RNF32: variants seen among roughly 807,000 people sequenced by gnomAD.
RNF32 encodes ring finger protein 32.
RNF32 carries 36 observed loss-of-function variants against 41.0 expected under a neutral mutation model. The ratio of observed to expected loss-of-function variants is 0.88; its 90% CI spans 0.67 to 1.16. RNF32 has a LOEUF of 1.16. Among genes scored for constraint, RNF32 ranks in the 50% most tolerant of loss-of-function variants. The pLI is 0.00. For synonymous variants in RNF32, 154 were observed against 160.9 expected (o/e 0.96, Z 0.32); for missense variants, 413 against 436.7 (o/e 0.95, Z 0.48).
intron 8 of RNF32, chr7:156,676,171 G>C: frequency 8.4e-7 from 1 of 1,197,178 alleles, no homozygotes; most frequent in South Asian, 1.6e-5. Flanking sequence ...GGAAGTTCCT[G>C]TTGGATGTTG....
intron 7 of RNF32, among the ~76,000 whole-genome samples, chr7:156,661,210 C>A (rs1800611511): frequency 2.6e-5 from 4 of 151,758 alleles, no homozygotes; most frequent in African/African-American, 9.7e-5. Context: ...AAGGAGTGGG[C>A]ATAAGGGGCA....
At chr7:156,673,587 G>A (rs936097628) in intron 7 of RNF32, among the ~76,000 whole-genome samples, 11 of 152,056 alleles carry the variant, frequency 7.2e-5, no homozygotes, top group African/African-American at 2.4e-4. Context: ...TTCCAAGTAC[G>A]GCTAATCCCA....
intron 5 of RNF32, 145 bp from the exon 6 acceptor site, chr7:156,657,983 G>T: frequency 1.3e-6 from 1 of 778,246 alleles, no homozygotes. Context: ...ACCTGATGAA[G>T]CCTCCTCACT....
At position 156,669,735 on chromosome 7, in the gene RNF32, G is replaced by A. The variant is rs889319015; in HGVS notation, c.685-5961G>A. Among the ~76,000 whole-genome samples, 2 of 152,234 alleles carry A rather than the reference G, an allele frequency of 1.3e-5. No individual in the cohort carries two copies. The highest frequency in any genetic ancestry group is 2.9e-5 in the Non-Finnish European group (2 of 68,040). ...AGAGGGCAGGGCTGGGACTCCCAGG[G>A]AGAAGGGGCCATGGCTGGGCCCCTC... On this transcript the variant is annotated intron_variant, in intron 7 of 8. Coordinates refer to ENST00000317955, the MANE Select transcript of RNF32 (RefSeq NM_030936.4). This position sits in a 1 kb window ranked among gnomAD's most constrained non-coding sequence, Gnocchi z 4.2.
At chr7:156,642,351 A>G (rs1797461453) in intron 1 of RNF32, among the ~76,000 whole-genome samples, 1 of 152,202 alleles carries the variant, frequency 6.6e-6, no homozygotes, top group Non-Finnish European at 1.5e-5. Flanking sequence ...TGAGCTCTAC[A>G]TTTAAGAAAT....
intron 7 of RNF32, among the ~76,000 whole-genome samples, chr7:156,661,207 G>A (rs569866736): frequency 9.1e-6 from 1 of 109,898 alleles, no homozygotes; most frequent in East Asian, 2.7e-4. Flanking sequence ...AGCAAGGAGT[G>A]GGCATAAGGG....
intron 7 of RNF32, among the ~76,000 whole-genome samples, chr7:156,663,310 A>C (rs1175842976): frequency 6.6e-6 from 1 of 152,206 alleles, no homozygotes; most frequent in Non-Finnish European, 1.5e-5. Context: ...TAACACATGA[A>C]AACAAAATAT....
intron 7 of RNF32, among the ~76,000 whole-genome samples, chr7:156,667,802 CT>C (rs1274500336): frequency 6.6e-6 from 1 of 152,144 alleles, no homozygotes; most frequent in Non-Finnish European, 1.5e-5. Flanking sequence ...ATACTCAAAG[CT>C]GTAAGAATAT....
rs551125458 is a variant in RNF32 at position 156,652,474 on chromosome 7, C to T, written c.275-2102C>T. On this transcript the variant is annotated intron_variant, in intron 3 of 8. Transcript: ENST00000317955. Reference sequence around the variant, plus strand: ...GTCACAACAACACCTAGACCGGTCCCTTGATTTTCTTATTTTCTGTCTCCT... The same window carrying T: ...GTCACAACAACACCTAGACCGGTCCTTTGATTTTCTTATTTTCTGTCTCCT... 2.0e-5 allele frequency among the ~76,000 whole-genome samples: 3 copies of T among 152,220 alleles called. No homozygotes were observed. The South Asian group carries it at 6.2e-4, about 32-fold the overall frequency.
intron 3 of RNF32, among the ~76,000 whole-genome samples, chr7:156,648,643 A>G (rs1798298756): frequency 6.6e-6 from 1 of 152,242 alleles, no homozygotes; most frequent in African/African-American, 2.4e-5. Context: ...TACTAATGAC[A>G]TTGAACCATA....
chr7:156,668,439 AGT>A (rs1376656153), intron 7 of RNF32, among the ~76,000 whole-genome samples: 3 of 152,164 alleles, frequency 2.0e-5, no homozygotes, highest in African/African-American at 7.2e-5. Flanking sequence ...GACCTGGGAG[AGT>A]GTTCCCAGAG....
At chr7:156,675,979 GC>G in intron 8 of RNF32, 116 bp downstream of exon 8, 1 of 1,093,918 alleles carries the variant, frequency 9.1e-7, no homozygotes, top group Non-Finnish European at 1.3e-6. Flanking sequence ...GGAGTGTCAG[GC>G]CCGGGGTGCA....
chr7:156,653,391 AAC>A (rs1308021658), intron 3 of RNF32, among the ~76,000 whole-genome samples: 2 of 152,216 alleles, frequency 1.3e-5, no homozygotes, highest in Non-Finnish European at 2.9e-5. Context: ...GAAATCGCCT[AAC>A]AGCACATTTC....
Position 156,676,997 on chromosome 7 carries a change from A to G in RNF32, c.*342A>G, listed in dbSNP as rs1804183409. On this transcript the variant is annotated 3_prime_UTR_variant, in exon 9 of 9. Coordinates refer to ENST00000317955, the MANE Select transcript of RNF32 (RefSeq NM_030936.4). ...AGTTCCAAATGTAAAACACTCCTTA[A>G]GTTCCAAATGTTTTCCGCTAATAGT... 1 of 220,412 alleles carries G rather than the reference A, an allele frequency of 4.5e-6. No individual in the cohort carries two copies. Among genetic ancestry groups the G allele is most frequent in the Non-Finnish European group, 9.2e-6 (1 of 109,200 alleles). The allele number at this position is 220,412 out of a possible 1,614,324, so 13.7% of individuals were successfully genotyped here. A position where few individuals can be genotyped will look rare whatever the true frequency, so the allele number is the denominator to read the frequency against.
intron 2 of RNF32, 46 bp from the exon 3 acceptor site, chr7:156,644,453 T>C (rs1047769256): frequency 2.8e-6 from 4 of 1,419,822 alleles, no homozygotes; most frequent in Admixed American, 1.9e-5. Flanking sequence ...CTAAATGATA[T>C]ATTACATAAT....
intron 7 of RNF32, among the ~76,000 whole-genome samples, chr7:156,663,836 A>G (rs766568294): frequency 5.6e-4 from 85 of 152,232 alleles, no homozygotes; most frequent in Non-Finnish European, 9.4e-4. Context: ...AGAAAAATCA[A>G]TTGGGAAATT....
chr7:156,664,422 T>C (rs1047436455), intron 7 of RNF32, among the ~76,000 whole-genome samples: 3 of 152,052 alleles, frequency 2.0e-5, no homozygotes, highest in East Asian at 3.9e-4. Context: ...GATCGTGCCA[T>C]TGCACTCCAG....
chr7:156,658,149 A>G lies in RNF32; in HGVS notation c.472A>G (p.Lys158Glu), dbSNP rs1800020377. The stretch of plus-strand genomic sequence containing the variant: ...TCAGGCATGTCTTCAGGCTTTTGAA[A>G]AGTTCACAAATAAGAAAACCTGTCC... ...FHKACLQAFE[K>E]FTNKKTCPLC... Residue 158 changes from lysine (K) to glutamate (E), a missense_variant, in exon 6 of 9, where the codon AAG (lysine) becomes GAG (glutamate). Physicochemically the swap from Lys to Glu is moderately conservative, Grantham distance 56. Transcript: ENST00000317955. The G allele has an allele frequency of 6.2e-7, 1 of 1,613,890 alleles. No homozygotes were observed. The highest frequency in any genetic ancestry group is 8.5e-7 in the Non-Finnish European group (1 of 1,179,950).
intron 3 of RNF32, among the ~76,000 whole-genome samples, chr7:156,652,259 G>GT (rs1210980369): frequency 3.9e-5 from 6 of 152,054 alleles, no homozygotes; most frequent in Non-Finnish European, 5.9e-5. Flanking sequence ...TTTGAGGCCT[G>GT]TTTTTTTGAG....
Sources: allele counts gnomAD v4.1 joint callset (sites outside exome capture counted in the v4.1 genomes callset), GRCh38; gene constraint gnomAD v4.1.1; non-coding constraint Gnocchi (gnomAD v3.1); transcripts MANE v1.5; gene names NCBI Gene and HGNC (gene_info 2026-07-23, HGNC 2026-07-21).